GNPTAB: variants seen among roughly 807,000 people sequenced by gnomAD.
GNPTAB encodes N-acetylglucosamine-1-phosphate transferase subunits alpha and beta.
A neutral mutation model predicts 136.6 loss-of-function variants in GNPTAB; 92 were observed. The ratio of observed to expected loss-of-function variants is 0.67; its 90% CI spans 0.57 to 0.80. GNPTAB has a LOEUF of 0.80. Ranked by LOEUF, GNPTAB falls within the 30% of genes least tolerant of loss-of-function variation. The probability of loss-of-function intolerance (pLI) is 0.00; values close to 1 mark genes in which losing one functional copy is unlikely to be tolerated. For missense variants in GNPTAB, 1,343 were observed against 1,501.8 expected (o/e 0.89, Z 1.75); for synonymous variants, 512 against 535.1 (o/e 0.96, Z 0.60).
intron 16 of GNPTAB, among the ~76,000 whole-genome samples, chr12:101,759,070 A>T (rs374094226): frequency 8.5e-5 from 13 of 152,308 alleles, no homozygotes; most frequent in African/African-American, 3.1e-4. Context: ...ATTTTATTAT[A>T]TAAGAATTTT....
intron 13 of GNPTAB, among the ~76,000 whole-genome samples, chr12:101,762,991 C>A (rs1020948936): frequency 2.0e-5 from 3 of 150,552 alleles, no homozygotes; most frequent in African/African-American, 4.9e-5. Context: ...GAGGCCGAGG[C>A]GGGCGGATCA....
chr12:101,766,723 C>T (rs994287943), intron 11 of GNPTAB, among the ~76,000 whole-genome samples: 2 of 152,180 alleles, frequency 1.3e-5, no homozygotes, highest in Non-Finnish European at 2.9e-5. Context: ...AGAAAAGGTT[C>T]ACCTCATTCT....
chr12:101,757,398 G>T, intron 17 of GNPTAB, 88 bp from the exon 18 acceptor site: 2 of 862,560 alleles, frequency 2.3e-6, no homozygotes, highest in South Asian at 3.0e-5. Flanking sequence ...TTTTAAAACC[G>T]TAGTGGACTC....
chr12:101,773,934 T>C (rs1283592607), intron 7 of GNPTAB, among the ~76,000 whole-genome samples: 1 of 152,230 alleles, frequency 6.6e-6, no homozygotes, highest in South Asian at 2.1e-4. Flanking sequence ...ACATAAATTA[T>C]AAGTTTCTGC....
chr12:101,802,055 G>A (rs1416215798), intron 1 of GNPTAB, among the ~76,000 whole-genome samples: 4 of 151,440 alleles, frequency 2.6e-5, no homozygotes, highest in African/African-American at 9.7e-5. Context: ...AAATCAATTC[G>A]CCGGGCATGG....
intron 16 of GNPTAB, among the ~76,000 whole-genome samples, chr12:101,758,711 G>GTGCTGCTAT (rs1249763794): frequency 6.6e-5 from 10 of 152,194 alleles, no homozygotes; most frequent in Admixed American, 5.9e-4. Flanking sequence ...GTGCTCTGAT[G>GTGCTGCTAT]GCTGCTATGC....
Position 101,764,485 on chromosome 12 carries a change from T to TC in GNPTAB, c.2431dup (p.Glu811GlyfsTer7). On this transcript the variant is annotated frameshift_variant, in exon 13 of 21. Transcript: ENST00000299314. LOFTEE classifies it high-confidence loss of function. ...TTCCACTCTAAATCTTGCTGTGGTCTCCAAGTCCAGGGGTGGATTCTGACC... is the reference window on the plus strand; with the variant it reads ...TTCCACTCTAAATCTTGCTGTGGTCTCCCAAGTCCAGGGGTGGATTCTGACC... The TC allele has an allele frequency of 6.2e-7, 1 of 1,613,808 alleles. No homozygotes were observed. The highest frequency in any genetic ancestry group is 8.5e-7 in the Non-Finnish European group (1 of 1,179,978).
At chr12:101,826,356 C>T (rs1871082989) in intron 1 of GNPTAB, among the ~76,000 whole-genome samples, 1 of 152,082 alleles carries the variant, frequency 6.6e-6, no homozygotes, top group African/African-American at 2.4e-5. Context: ...TACACCATAC[C>T]CCCACACACA....
At chr12:101,804,012 G>A (rs761625142) in intron 1 of GNPTAB, among the ~76,000 whole-genome samples, 13 of 151,930 alleles carry the variant, frequency 8.6e-5, no homozygotes, top group East Asian at 5.8e-4. Context: ...TGGGAGGATC[G>A]CTTGAGCCTG....
intron 19 of GNPTAB, among the ~76,000 whole-genome samples, chr12:101,751,550 A>G (rs4764812): frequency 0.064 from 9,724 of 152,352 alleles, 442 homozygotes; most frequent in Non-Finnish European, 0.094. Context: ...GTAGAATGAA[A>G]GATGAAGAAA....
intron 1 of GNPTAB, among the ~76,000 whole-genome samples, chr12:101,825,292 TAAC>T (rs1871032513): frequency 6.6e-6 from 1 of 152,212 alleles, no homozygotes; most frequent in African/African-American, 2.4e-5. Flanking sequence ...CTGTACAGTC[TAAC>T]AACAGGTCTC....
chr12:101,769,741 C>T (rs1338282329), intron 10 of GNPTAB, among the ~76,000 whole-genome samples: 1 of 151,806 alleles, frequency 6.6e-6, no homozygotes, highest in Admixed American at 6.6e-5. Context: ...CCCCCACGGC[C>T]CCCCAACACC....
At chr12:101,763,120 G>A (rs756671574) in intron 13 of GNPTAB, among the ~76,000 whole-genome samples, 7 of 151,610 alleles carry the variant, frequency 4.6e-5, no homozygotes, top group Non-Finnish European at 7.4e-5. Context: ...CACTCAGGAG[G>A]CTGAGACAGG....
At chr12:101,777,105 C>T (rs1953272186) in intron 7 of GNPTAB, among the ~76,000 whole-genome samples, 1 of 152,214 alleles carries the variant, frequency 6.6e-6, no homozygotes, top group Non-Finnish European at 1.5e-5. Flanking sequence ...GGTCCACCTC[C>T]CCTTTCATTC....
At chr12:101,753,681 G>T in intron 18 of GNPTAB, 142 bp from the exon 19 acceptor site, 1 of 726,498 alleles carries the variant, frequency 1.4e-6, no homozygotes, top group Non-Finnish European at 2.3e-6. Flanking sequence ...CTGGGGGAAT[G>T]ATATTCTATA....
chr12:101,775,759 A>C (rs1316096375), intron 7 of GNPTAB, among the ~76,000 whole-genome samples: 3 of 152,152 alleles, frequency 2.0e-5, no homozygotes, highest in South Asian at 4.1e-4. Context: ...ACAAAAAAAG[A>C]AAAAGGTACC....
At chr12:101,826,896 A>G (rs1474495612) in intron 1 of GNPTAB, among the ~76,000 whole-genome samples, 1 of 151,114 alleles carries the variant, frequency 6.6e-6, no homozygotes, top group Non-Finnish European at 1.5e-5. Context: ...AGTCCAAGGC[A>G]ATGCATTTTT....
intron 10 of GNPTAB, 80 bp from the exon 11 acceptor site, chr12:101,768,240 A>G: frequency 2.0e-6 from 3 of 1,482,668 alleles, no homozygotes; most frequent in Non-Finnish European, 2.8e-6. Flanking sequence ...TCCCTTTATA[A>G]AAAGAAATTA....
At chr12:101,757,704 T>C (rs1952924737) in intron 16 of GNPTAB, 47 bp from the exon 17 acceptor site, 2 of 890,114 alleles carry the variant, frequency 2.2e-6, no homozygotes, top group African/African-American at 1.6e-5. Flanking sequence ...GAGCTGAAAC[T>C]AGGGCAATTT....
Sources: allele counts gnomAD v4.1 joint callset (sites outside exome capture counted in the v4.1 genomes callset), GRCh38; gene constraint gnomAD v4.1.1; transcripts MANE v1.5; gene names NCBI Gene and HGNC (gene_info 2026-07-23, HGNC 2026-07-21).